SOX6: variants seen among roughly 807,000 people sequenced by gnomAD.
SOX6 encodes SRY-box transcription factor 6, also known as transcription factor SOX-6.
A neutral mutation model predicts 97.8 loss-of-function variants in SOX6; 11 were observed. That is an observed-to-expected ratio of 0.11 (90% confidence interval 0.07 to 0.19). SOX6 has a LOEUF of 0.19. Ranked by LOEUF, SOX6 falls within the 10% of genes least tolerant of loss-of-function variation. SOX6 has a pLI of 1.00. For missense variants in SOX6, 810 were observed against 1,039.5 expected (o/e 0.78, Z 3.04); for synonymous variants, 360 against 371.4 (o/e 0.97, Z 0.35).
At chr11:16,481,168 A>G (rs921727065), upstream of SOX6, among the ~76,000 whole-genome samples, 1 of 152,142 alleles carries the variant, frequency 6.6e-6, no homozygotes, top group Admixed American at 6.5e-5. Context: ...GCTTTACTAG[A>G]TTAAACCCAT....
chr11:16,700,683 G>A (rs976303680), intron 3 of SOX6, among the ~76,000 whole-genome samples: 1 of 152,120 alleles, frequency 6.6e-6, no homozygotes, highest in Non-Finnish European at 1.5e-5. Context: ...AGTACTGTTT[G>A]CATACCTGAA....
intron 6 of SOX6, among the ~76,000 whole-genome samples, chr11:16,167,487 A>C (rs571319751): frequency 6.6e-6 from 1 of 152,100 alleles, no homozygotes; most frequent in African/African-American, 2.4e-5. Flanking sequence ...GTTCTTTCCA[A>C]TGGTCTCCCA....
intron 4 of SOX6, among the ~76,000 whole-genome samples, chr11:16,590,840 T>G (rs1343866844): frequency 2.0e-5 from 3 of 152,036 alleles, no homozygotes; most frequent in African/African-American, 7.2e-5. Flanking sequence ...GTGGATATGC[T>G]TAATGGTACA....
chr11:16,054,661 T>C (rs182940816), intron 10 of SOX6, among the ~76,000 whole-genome samples: 23 of 152,324 alleles, frequency 1.5e-4, no homozygotes, highest in African/African-American at 4.6e-4. Flanking sequence ...ATCCAATGAT[T>C]AATTTGGTTG....
intron 2 of SOX6, among the ~76,000 whole-genome samples, chr11:16,724,166 GA>G (rs1848288450): frequency 6.6e-6 from 1 of 152,134 alleles, no homozygotes; most frequent in South Asian, 2.1e-4. Context: ...TCCTTTCTTG[GA>G]GGTAAGCATC....
At chr11:16,403,854 G>A (rs536879078) in intron 1 of SOX6, among the ~76,000 whole-genome samples, 1 of 150,978 alleles carries the variant, frequency 6.6e-6, no homozygotes, top group South Asian at 2.1e-4. Flanking sequence ...AAAAAAAAAA[G>A]AATTAAAATA....
chr11:16,723,829 TC>T (rs1322351553), intron 2 of SOX6, among the ~76,000 whole-genome samples: 1 of 151,966 alleles, frequency 6.6e-6, no homozygotes, highest in Non-Finnish European at 1.5e-5. Flanking sequence ...TTTTCCCCTT[TC>T]CCCTCTCAAC....
chr11:15,985,285 T>C (rs1853797738), intron 15 of SOX6, among the ~76,000 whole-genome samples: 1 of 152,196 alleles, frequency 6.6e-6, no homozygotes, highest in Non-Finnish European at 1.5e-5. Context: ...TGAAGCTCTC[T>C]TAGTTTCCTG....
chr11:16,279,994 G>A (rs1362142747), intron 3 of SOX6, among the ~76,000 whole-genome samples: 1 of 151,996 alleles, frequency 6.6e-6, no homozygotes, highest in African/African-American at 2.4e-5. Context: ...CAAAGCTTCA[G>A]TCCACACGTC....
At chr11:16,516,089 G>T (rs376328486) in intron 4 of SOX6, among the ~76,000 whole-genome samples, 20 of 150,036 alleles carry the variant, frequency 1.3e-4, no homozygotes, top group Non-Finnish European at 1.9e-4. Flanking sequence ...GTGAAGAAAG[G>T]CATTGGTAGC....
chr11:16,171,169 C>A (rs1310770493), intron 6 of SOX6, among the ~76,000 whole-genome samples: 1 of 152,184 alleles, frequency 6.6e-6, no homozygotes, highest in African/African-American at 2.4e-5. Context: ...CAGCTTCAAT[C>A]CTCAAGATGC....
chr11:16,499,420 C>A (rs1158764067), intron 4 of SOX6, among the ~76,000 whole-genome samples: 2 of 152,120 alleles, frequency 1.3e-5, no homozygotes, highest in African/African-American at 4.8e-5. Flanking sequence ...AGAGAAAACA[C>A]ATTCAAAAGC....
intron 3 of SOX6, chr11:16,313,811 G>C (rs932649186): frequency 7.0e-5 from 10 of 142,314 alleles, no homozygotes; most frequent in Non-Finnish European, 1.5e-5. Context: ...GTATTACCAC[G>C]TTCCTATTTG....
rs781692809 is a variant in SOX6 at position 16,014,963 on chromosome 11, T to C, written c.1711A>G (p.Thr571Ala). Residue 571 changes from threonine (T) to alanine (A), a missense_variant, in exon 13 of 16, where the codon ACT becomes GCT. By Grantham distance (58) the Thr-to-Ala change is moderately conservative. Around this residue, in one of 9 missense-constraint regions of SOX6, gnomAD observed 120 missense variants for 127.0 expected, o/e 0.94. Transcript: ENST00000683767. Reference sequence around the variant, plus strand: ...TCACCCTCTGCATCTTCTGGCCGAGTAAGGTCGATGACACCTGGGCCCAGT... The same window carrying C: ...TCACCCTCTGCATCTTCTGGCCGAGCAAGGTCGATGACACCTGGGCCCAGT... ...GKLGPGVIDLTRPEDAEGSKA... is the reference protein window; with the variant it reads ...GKLGPGVIDLARPEDAEGSKA... 1 of 1,612,820 alleles carries C rather than the reference T, an allele frequency of 6.2e-7. No homozygotes were observed. The highest frequency in any genetic ancestry group is 1.1e-5 in the South Asian group (1 of 91,066).
chr11:16,006,617 A>G lies in SOX6; in HGVS notation c.1732+8325T>C, dbSNP rs545359279. ...CAAACCTAGGCTTATCTCCAGCCAC[A>G]CTTCTATCAGGTTTTCCAGAACCAT... On this transcript the variant is annotated intron_variant, in intron 13 of 15. Coordinates refer to ENST00000683767, the MANE Select transcript of SOX6 (RefSeq NM_001367873.1). 5.9e-5 allele frequency among the ~76,000 whole-genome samples: 9 copies of G among 152,120 alleles called. No individual in the cohort carries two copies. The East Asian group carries it at 9.7e-4, about 16-fold the overall frequency.
chr11:16,655,080 G>C (rs1404666774), intron 3 of SOX6, among the ~76,000 whole-genome samples: 1 of 152,206 alleles, frequency 6.6e-6, no homozygotes, highest in African/African-American at 2.4e-5. Context: ...ATAGAATATA[G>C]GAATTGAGTG....
rs1248138259 is a variant in SOX6, at chr11:16,318,497, C to T, written c.394G>A (p.Asp132Asn). ...RRKGSLADVV[D>N]TLKQKKLEEM... ...TCAAGCTTCTTCTGTTTCAGTGTGT[C>T]CACCACATCGGCAAGACTCCCTTTG... The change falls in exon 3 of 16, where the codon GAC (aspartate) becomes AAC (asparagine). Residue 132 changes from aspartate (D) to asparagine (N), a missense_variant. Around this residue, in one of 9 missense-constraint regions of SOX6, gnomAD observed 46 missense variants for 84.1 expected, o/e 0.55. Transcript: ENST00000683767. 6.2e-7 allele frequency: 1 copy of T among 1,613,362 alleles called. No individual in the cohort carries two copies. The highest frequency in any genetic ancestry group is 8.5e-7 in the Non-Finnish European group (1 of 1,179,772).
intron 3 of SOX6, among the ~76,000 whole-genome samples, chr11:16,274,394 AT>A (rs1301622205): frequency 6.6e-6 from 1 of 152,086 alleles, no homozygotes; most frequent in East Asian, 1.9e-4. Context: ...TTATCCTTCC[AT>A]TTGTATAAAT....
intron 3 of SOX6, among the ~76,000 whole-genome samples, chr11:16,629,383 G>A (rs928922512): frequency 1.3e-5 from 2 of 152,164 alleles, no homozygotes; most frequent in Non-Finnish European, 2.9e-5. Flanking sequence ...CTCTGTTTAT[G>A]TGGTGAATCA....
Sources: allele counts gnomAD v4.1 joint callset (sites outside exome capture counted in the v4.1 genomes callset), GRCh38; gene constraint gnomAD v4.1.1; regional missense constraint gnomAD v4.1.1; transcripts MANE v1.5; gene names NCBI Gene and HGNC (gene_info 2026-07-23, HGNC 2026-07-21).